The following CCDC192 variants were observed in gnomAD, a reference collection of about 807,000 sequenced individuals.
CCDC192 encodes the protein coiled-coil domain-containing protein 192.
chr5:127,782,454 T>C (rs2126935686), intron 3 of CCDC192, among the ~76,000 whole-genome samples: 1 of 152,290 alleles, frequency 6.6e-6, no homozygotes, highest in African/African-American at 2.4e-5. Context: ...TGGACTTTTT[T>C]TTTTGTTGGT....
In CCDC192 at chr5:127,712,010, A is replaced by C. The variant is rs560573027; in HGVS notation, c.114+4250A>C. On this transcript the variant is annotated intron_variant, in intron 2 of 6. Coordinates refer to ENST00000514853, the MANE Select transcript of CCDC192 (RefSeq NM_001317938.2). ...TATCTACCACCCTCAAAAGTTACTCATGCACCTTAGGAATTCCCCCACCTG... is the reference window on the plus strand; with the variant it reads ...TATCTACCACCCTCAAAAGTTACTCCTGCACCTTAGGAATTCCCCCACCTG... Among the ~76,000 whole-genome samples the C allele has an allele frequency of 1.7e-4, 26 of 152,174 alleles. No homozygotes were observed. The Middle Eastern group carries it at 0.01, about 60-fold the overall frequency.
chr5:127,825,784 A>G (rs895608317), intron 5 of CCDC192, among the ~76,000 whole-genome samples: 5 of 152,250 alleles, frequency 3.3e-5, no homozygotes, highest in African/African-American at 1.2e-4. Context: ...AGGCTCATCA[A>G]CTAAACTTAG....
chr5:127,728,332 C>T (rs1461165130), intron 2 of CCDC192, among the ~76,000 whole-genome samples: 1 of 152,222 alleles, frequency 6.6e-6, no homozygotes, highest in Non-Finnish European at 1.5e-5. Flanking sequence ...GCCCATCAGA[C>T]TAACAGAGGA....
At position 127,703,404 on chromosome 5, in the gene CCDC192, G is replaced by A. The variant is rs1168197621; in HGVS notation, c.-42G>A. The stretch of plus-strand genomic sequence containing the variant: ...ACTCTAAAGAATGATGCCTGTTGAC[G>A]TCTGTCCCAGGGACAGGGGATCCCA... On this transcript the variant is annotated 5_prime_UTR_variant, in exon 1 of 7. Transcript: ENST00000514853. 7.5e-6 allele frequency: 3 copies of A among 398,822 alleles called. No homozygotes were observed. The highest frequency in any genetic ancestry group is 3.6e-5 in the East Asian group (1 of 28,074). The allele number at this position is 398,822 out of a possible 1,614,324, so 24.7% of individuals were successfully genotyped here.
At chr5:127,880,360 C>A (rs984725096) in intron 6 of CCDC192, among the ~76,000 whole-genome samples, 25 of 149,964 alleles carry the variant, frequency 1.7e-4, no homozygotes, top group African/African-American at 5.9e-4. Flanking sequence ...GAACAAAAAA[C>A]CAAACACTGC....
intron 5 of CCDC192, among the ~76,000 whole-genome samples, chr5:127,823,355 G>C (rs1749383784): frequency 6.6e-6 from 1 of 152,150 alleles, no homozygotes; most frequent in South Asian, 2.1e-4. Context: ...GCTTTTGATT[G>C]TTGAGTGCCA....
At chr5:127,750,073 T>A (rs1364407307) in intron 2 of CCDC192, among the ~76,000 whole-genome samples, 3 of 152,160 alleles carry the variant, frequency 2.0e-5, no homozygotes, top group African/African-American at 7.2e-5. Flanking sequence ...AGCTCCTGGA[T>A]TCATTAATTT....
chr5:127,860,800 A>G (rs950252542), intron 5 of CCDC192, among the ~76,000 whole-genome samples: 11 of 152,192 alleles, frequency 7.2e-5, no homozygotes, highest in Non-Finnish European at 1.5e-4. Flanking sequence ...CCTTCTTTTC[A>G]TACGTTAGAA....
intron 5 of CCDC192, among the ~76,000 whole-genome samples, chr5:127,833,796 A>C (rs1248127256): frequency 3.9e-5 from 6 of 152,146 alleles, no homozygotes; most frequent in Non-Finnish European, 5.9e-5. Context: ...AATTCAGTTA[A>C]ATTTTCTGTC....
chr5:127,906,116 C>T (rs745380574), intron 6 of CCDC192, among the ~76,000 whole-genome samples: 13 of 152,150 alleles, frequency 8.5e-5, no homozygotes, highest in African/African-American at 2.7e-4. Context: ...CAACCATCAC[C>T]GCCACCATCC....
intron 6 of CCDC192, among the ~76,000 whole-genome samples, chr5:127,903,364 T>C (rs1481768658): frequency 6.6e-6 from 1 of 151,926 alleles, no homozygotes; most frequent in African/African-American, 2.4e-5. Context: ...TGCCTCAGCC[T>C]CCTGAGTAGC....
intron 2 of CCDC192, among the ~76,000 whole-genome samples, chr5:127,709,193 GAGAGAGGGGGAGAGAGAGAGAGAGAGA>G (rs1561438603): frequency 7.7e-4 from 85 of 110,358 alleles, no homozygotes; most frequent in African/African-American, 2.8e-3. Flanking sequence ...GAGAGAGGTG[GAGAGAGGGGGAGAGAGAGAGAGAGAGA>G]GAGAGAGAGA....
chr5:127,780,264 T>A (rs1267177311), intron 3 of CCDC192, among the ~76,000 whole-genome samples: 3 of 152,186 alleles, frequency 2.0e-5, no homozygotes, highest in African/African-American at 7.2e-5. Context: ...ATTGTGCTGC[T>A]ATAAACAAGC....
At chr5:127,799,070 T>C (rs934382797) in intron 5 of CCDC192, among the ~76,000 whole-genome samples, 1 of 152,160 alleles carries the variant, frequency 6.6e-6, no homozygotes, top group African/African-American at 2.4e-5. Flanking sequence ...CATCCACATC[T>C]TGGCTGCTAT....
intron 2 of CCDC192, among the ~76,000 whole-genome samples, chr5:127,722,615 C>G (rs1463080908): frequency 6.6e-6 from 1 of 152,024 alleles, no homozygotes; most frequent in African/African-American, 2.4e-5. Context: ...GTCTTTCATC[C>G]ATTTTGATTT....
chr5:127,893,136 T>A (rs1309726357), intron 6 of CCDC192, among the ~76,000 whole-genome samples: 1 of 152,156 alleles, frequency 6.6e-6, no homozygotes, highest in Non-Finnish European at 1.5e-5. Flanking sequence ...TCCACTCCCA[T>A]GTTTTACAGA....
intron 2 of CCDC192, among the ~76,000 whole-genome samples, chr5:127,741,923 A>C (rs1753442337): frequency 1.3e-5 from 2 of 152,224 alleles, no homozygotes; most frequent in Non-Finnish European, 2.9e-5. Flanking sequence ...GCCCTAAAGC[A>C]CAAAGCAGTA....
chr5:127,861,360 A>C (rs1012574325), intron 5 of CCDC192, among the ~76,000 whole-genome samples: 3 of 151,632 alleles, frequency 2.0e-5, no homozygotes, highest in Admixed American at 2.0e-4. Context: ...AGCTAAAAAA[A>C]AAAAAAATGC....
chr5:127,726,071 A>C (rs1217737780), intron 2 of CCDC192, among the ~76,000 whole-genome samples: 3 of 152,140 alleles, frequency 2.0e-5, no homozygotes, highest in Admixed American at 6.5e-5. Flanking sequence ...AAAATGTTAG[A>C]AAAAGAAGAT....
Sources: allele counts gnomAD v4.1 joint callset (sites outside exome capture counted in the v4.1 genomes callset), GRCh38; gene constraint gnomAD v4.1.1; transcripts MANE v1.5; gene names NCBI Gene and HGNC (gene_info 2026-07-23, HGNC 2026-07-21).